PLXDC2: variants seen among roughly 807,000 people sequenced by gnomAD.
The protein encoded by PLXDC2 is plexin domain containing 2.
A neutral mutation model predicts 68.9 loss-of-function variants in PLXDC2; 40 were observed. The ratio of observed to expected loss-of-function variants is 0.58; its 90% CI spans 0.45 to 0.76. The LOEUF (loss-of-function observed/expected upper bound fraction) is 0.76, where lower values mean the gene tolerates loss of function less well. PLXDC2 is among the 30% of genes least tolerant of loss of function. The probability of loss-of-function intolerance (pLI) is 0.00; values close to 1 mark genes in which losing one functional copy is unlikely to be tolerated. For synonymous variants in PLXDC2, 243 were observed against 234.2 expected, an observed-to-expected ratio of 1.04 and a Z score of -0.34; for missense variants, 644 against 661.9, an observed-to-expected ratio of 0.97 and a Z score of 0.30.
chr10:19,912,608 A>G (rs10508604), intron 1 of PLXDC2, among the ~76,000 whole-genome samples: 3,646 of 152,270 alleles, frequency 0.024, 141 homozygotes, highest in African/African-American at 0.083. Flanking sequence ...TATTGGTGCC[A>G]TCTATTTTCT....
At chr10:20,019,107 G>A (rs1271804129) in intron 2 of PLXDC2, among the ~76,000 whole-genome samples, 2 of 152,074 alleles carry the variant, frequency 1.3e-5, no homozygotes, top group Non-Finnish European at 1.5e-5. Context: ...TAGAGAGACA[G>A]CGTATCAATT....
intron 8 of PLXDC2, 79 bp downstream of exon 8, chr10:20,177,173 C>A: frequency 2.2e-6 from 3 of 1,366,298 alleles, no homozygotes; most frequent in Middle Eastern, 1.8e-4. Context: ...TTATAATAAT[C>A]ATATTAAATA....
intron 9 of PLXDC2, among the ~76,000 whole-genome samples, chr10:20,184,429 T>A (rs2131832584): frequency 1.3e-5 from 2 of 150,076 alleles, no homozygotes; most frequent in Admixed American, 1.3e-4. Flanking sequence ...CATAGTGAAA[T>A]CTAAATAAAT....
chr10:19,969,897 A>T (rs1834321560), intron 1 of PLXDC2, among the ~76,000 whole-genome samples: 1 of 152,258 alleles, frequency 6.6e-6, no homozygotes, highest in Non-Finnish European at 1.5e-5. Context: ...AATAAAACAT[A>T]CTGCATACAA....
intron 1 of PLXDC2, among the ~76,000 whole-genome samples, chr10:19,948,572 G>C (rs958709007): frequency 6.6e-5 from 10 of 151,938 alleles, no homozygotes; most frequent in African/African-American, 2.4e-4. Flanking sequence ...GGAAAACTAT[G>C]TCTGGGATCA....
At chr10:20,084,828 T>C (rs1363681027) in intron 4 of PLXDC2, among the ~76,000 whole-genome samples, 2 of 149,558 alleles carry the variant, frequency 1.3e-5, no homozygotes, top group Non-Finnish European at 3.0e-5. Flanking sequence ...ATGTGTACAA[T>C]GAAGGCTTTC....
Position 19,999,012 on chromosome 10 carries a change from G to T in PLXDC2, c.113-2763G>T, listed in dbSNP as rs573166781. Among the ~76,000 whole-genome samples the T allele has an allele frequency of 7.9e-5, 12 of 152,322 alleles. 3 individuals carry two copies. The highest frequency in any genetic ancestry group is 2.9e-4 in the African/African-American group (12 of 41,574). On this transcript the variant is annotated intron_variant, in intron 1 of 13. Transcript: ENST00000377252. ...CAAATTTCAACTTAAGTGGGAAATA[G>T]AGACTTCATCGTTTCTAAGTTTTGG...
At chr10:19,937,801 C>T (rs1833752194) in intron 1 of PLXDC2, among the ~76,000 whole-genome samples, 1 of 151,830 alleles carries the variant, frequency 6.6e-6, no homozygotes, top group African/African-American at 2.4e-5. Context: ...AGGAAGGGTT[C>T]CTGGTCAGAT....
At chr10:19,981,675 A>T (rs1834552423) in intron 1 of PLXDC2, among the ~76,000 whole-genome samples, 1 of 152,152 alleles carries the variant, frequency 6.6e-6, no homozygotes, top group African/African-American at 2.4e-5. Flanking sequence ...TGACAATCTT[A>T]TTTTTTAGTG....
chr10:19,869,259 A>G (rs2131341303), intron 1 of PLXDC2, among the ~76,000 whole-genome samples: 1 of 151,988 alleles, frequency 6.6e-6, no homozygotes, highest in South Asian at 2.1e-4. Context: ...CGCCATCTCA[A>G]CAAAAAGTAC....
chr10:19,989,973 C>T (rs1013764912), intron 1 of PLXDC2, among the ~76,000 whole-genome samples: 3 of 152,060 alleles, frequency 2.0e-5, no homozygotes, highest in African/African-American at 7.2e-5. Flanking sequence ...TGTTCTCAAA[C>T]TCCTGACCTC....
intron 1 of PLXDC2, among the ~76,000 whole-genome samples, chr10:19,855,966 G>T (rs1225009952): frequency 6.6e-6 from 1 of 152,026 alleles, no homozygotes; most frequent in Non-Finnish European, 1.5e-5. Flanking sequence ...CTGGTGGCAG[G>T]TGCCTGTAAT....
intron 12 of PLXDC2, among the ~76,000 whole-genome samples, chr10:20,221,863 C>A (rs2131868068): frequency 6.6e-6 from 1 of 152,124 alleles, no homozygotes. Flanking sequence ...TTGTAAATTT[C>A]TCTGTATTGT....
Position 19,937,544 on chromosome 10 carries a change from GTATATATATATATATATA to G in PLXDC2, c.113-64209_113-64192del, listed in dbSNP as rs71388881. Among the ~76,000 whole-genome samples, 216 of 95,978 alleles carry G rather than the reference GTATATATATATATATATA, an allele frequency of 2.3e-3. 4 individuals are homozygous for G. Among genetic ancestry groups the G allele is most frequent in the African/African-American group, 7.6e-3 (184 of 24,356 alleles). The allele number at this position is 95,978 out of a possible 152,430, so 63.0% of individuals were successfully genotyped here. On this transcript the variant is annotated intron_variant, in intron 1 of 13. Transcript: ENST00000377252. ...GAATACATATCACATTATAGTCAAT[GTATATATATATATATATA>G]TATATATATATATATATATATTTGC...
rs576890566 is a variant in PLXDC2, at chr10:20,125,126, C to G, written c.542-18169C>G. Among the ~76,000 whole-genome samples the G allele has an allele frequency of 5.9e-5, 9 of 151,914 alleles. No homozygotes were observed. In the East Asian group the frequency reaches 1.7e-3, roughly 29 times the overall value. On this transcript the variant is annotated intron_variant, in intron 4 of 13. Transcript: ENST00000377252. The stretch of plus-strand genomic sequence containing the variant: ...CCCCCAGCTTGATCCCAGTAATGTC[C>G]CCCAGACATTGTGACAATCAACCCC...
intron 2 of PLXDC2, among the ~76,000 whole-genome samples, chr10:20,022,899 C>G (rs1465924385): frequency 1.3e-5 from 2 of 151,882 alleles, no homozygotes; most frequent in African/African-American, 4.8e-5. Flanking sequence ...GAGAAATACT[C>G]TGGACCTTAG....
chr10:20,211,584 C>G, intron 9 of PLXDC2, 85 bp from the exon 10 acceptor site: 4 of 1,182,246 alleles, frequency 3.4e-6, no homozygotes. Context: ...AATGAACTAC[C>G]TACTAATCTT....
chr10:20,263,877 A>G (rs1003139218), intron 13 of PLXDC2, among the ~76,000 whole-genome samples: 1 of 152,190 alleles, frequency 6.6e-6, no homozygotes, highest in Non-Finnish European at 1.5e-5. Context: ...TTGTGGGAGT[A>G]TAAGTTAGTT....
At chr10:20,162,907 T>TCC (rs1438815134) in intron 6 of PLXDC2, among the ~76,000 whole-genome samples, 5 of 17,254 alleles carry the variant, frequency 2.9e-4, no homozygotes, top group Non-Finnish European at 7.3e-4. Context: ...CTACTAAAAA[T>TCC]ACAAAAAAAA....
Sources: allele counts gnomAD v4.1 joint callset (sites outside exome capture counted in the v4.1 genomes callset), GRCh38; gene constraint gnomAD v4.1.1; transcripts MANE v1.5; gene names NCBI Gene and HGNC (gene_info 2026-07-23, HGNC 2026-07-21).